The following ZMYND8 variants were observed in gnomAD, a reference collection of about 807,000 sequenced individuals.
The protein encoded by ZMYND8 is zinc finger MYND-type containing 8, also known as MYND-type zinc finger-containing chromatin reader ZMYND8.
In ZMYND8, 37 loss-of-function variants were observed where a neutral mutation model predicts 140.8. The observed-to-expected ratio is 0.26, with a 90% confidence interval of 0.20 to 0.35. The LOEUF (loss-of-function observed/expected upper bound fraction) is 0.35, where lower values mean the gene tolerates loss of function less well. Ranked by LOEUF, ZMYND8 falls within the 10% of genes least tolerant of loss-of-function variation. The pLI, the probability that ZMYND8 is intolerant of heterozygous loss-of-function variation, is 1.00. For synonymous variants in ZMYND8, 592 were observed against 597.1 expected, an observed-to-expected ratio of 0.99 and a Z score of 0.12; for missense variants, 1,068 against 1,570.0, an observed-to-expected ratio of 0.68 and a Z score of 5.40.
chr20:47,236,943 C>G (rs1601110348), intron 15 of ZMYND8, among the ~76,000 whole-genome samples: 1 of 152,180 alleles, frequency 6.6e-6, no homozygotes, highest in East Asian at 1.9e-4. Context: ...TCTACTGAGG[C>G]CCAACTCGCT....
At chr20:47,282,024 T>C (rs1022105307) in intron 10 of ZMYND8, 78 bp downstream of exon 10, 3 of 1,147,708 alleles carry the variant, frequency 2.6e-6, no homozygotes. Flanking sequence ...AGCTGCAGCC[T>C]CCACTTCTTT....
chr20:47,299,840 C>T (rs1017008526), intron 3 of ZMYND8, among the ~76,000 whole-genome samples: 1 of 152,162 alleles, frequency 6.6e-6, no homozygotes, highest in African/African-American at 2.4e-5. Flanking sequence ...CCTCGGCCTC[C>T]CAAAGTGCTG....
At chr20:47,227,820 C>T (rs963312856) in intron 17 of ZMYND8, among the ~76,000 whole-genome samples, 5 of 152,152 alleles carry the variant, frequency 3.3e-5, no homozygotes, top group East Asian at 1.9e-4. Flanking sequence ...TGGCCAGGTG[C>T]GGTGGCTCGC....
At chr20:47,221,107 C>A (rs1400609780) in intron 20 of ZMYND8, among the ~76,000 whole-genome samples, 1 of 152,096 alleles carries the variant, frequency 6.6e-6, no homozygotes, top group Non-Finnish European at 1.5e-5. Flanking sequence ...TTTGAGGGTC[C>A]CCAGCAGAGA....
At chr20:47,284,568 C>T (rs761623706) in intron 8 of ZMYND8, among the ~76,000 whole-genome samples, 2 of 152,246 alleles carry the variant, frequency 1.3e-5, no homozygotes, top group East Asian at 1.9e-4. Context: ...CCACCTGTCT[C>T]GGCTCACCTT....
At chr20:47,239,223 G>T (rs535476829) in intron 14 of ZMYND8, 85 bp from the exon 15 acceptor site, 92 of 1,429,676 alleles carry the variant, frequency 6.4e-5, no homozygotes, top group Admixed American at 9.8e-5. Flanking sequence ...CAAGTTCTGG[G>T]TAAAACCTAT....
chr20:47,283,532 G>A (rs750784273), intron 9 of ZMYND8, 39 bp downstream of exon 9: 2 of 1,608,370 alleles, frequency 1.2e-6, no homozygotes, highest in South Asian at 2.2e-5. Context: ...CAAGGCACAG[G>A]GTTCAGTAAA....
At chr20:47,240,149 T>G (rs570137252) in intron 14 of ZMYND8, among the ~76,000 whole-genome samples, 1 of 152,102 alleles carries the variant, frequency 6.6e-6, no homozygotes, top group Non-Finnish European at 1.5e-5. Flanking sequence ...GAGGCGGAAG[T>G]TGCAGTGAGC....
At position 47,283,571 on chromosome 20, in the gene ZMYND8, A is replaced by G. The variant is rs2076740935; in HGVS notation, c.882T>C (p.Cys294=). Residue 294 remains cysteine (C), a splice_region_variant and synonymous_variant, in exon 9 of 23, where the codon TGT becomes TGC. Coordinates refer to ENST00000471951, the MANE Select transcript of ZMYND8 (RefSeq NM_001281775.3). ...QKRDNWFCEP[C]SNPHPLVWAK... ...AATAAGCAAAGTAAATCCAACTTAC[A>G]CAAGGCTCACAAAACCAGTTATCTC... The G allele has an allele frequency of 6.2e-7, 1 of 1,614,022 alleles. No homozygotes were observed. The highest frequency in any genetic ancestry group is 8.5e-7 in the Non-Finnish European group (1 of 1,179,980).
At chr20:47,307,146 T>A (rs930265935) in intron 3 of ZMYND8, among the ~76,000 whole-genome samples, 1 of 151,746 alleles carries the variant, frequency 6.6e-6, no homozygotes, top group Non-Finnish European at 1.5e-5. Flanking sequence ...AGTGCCCTTA[T>A]AAAAAAAGGG....
At chr20:47,315,761 G>T (rs1188313155) in intron 2 of ZMYND8, among the ~76,000 whole-genome samples, 1 of 152,160 alleles carries the variant, frequency 6.6e-6, no homozygotes, top group Non-Finnish European at 1.5e-5. Flanking sequence ...GGTTCACCCT[G>T]GATCTGAAAG....
At chr20:47,262,983 A>C (rs2147573426) in intron 11 of ZMYND8, among the ~76,000 whole-genome samples, 1 of 152,300 alleles carries the variant, frequency 6.6e-6, no homozygotes, top group Non-Finnish European at 1.5e-5. Context: ...GACGTTGGTA[A>C]ATTATGTCCT....
chr20:47,292,956 G>T (rs527503160), intron 5 of ZMYND8, among the ~76,000 whole-genome samples: 21 of 151,558 alleles, frequency 1.4e-4, no homozygotes, highest in African/African-American at 5.1e-4. Flanking sequence ...CCAGCTACTT[G>T]AGAGGCTGAG....
intron 21 of ZMYND8, among the ~76,000 whole-genome samples, chr20:47,215,378 C>CTAATAA (rs150425292): frequency 6.6e-6 from 1 of 151,530 alleles, no homozygotes; most frequent in African/African-American, 2.4e-5. Context: ...ATCTCAAATA[C>CTAATAA]TAATAATAAT....
chr20:47,324,475 A>G (rs2080247836), intron 2 of ZMYND8, among the ~76,000 whole-genome samples: 1 of 151,992 alleles, frequency 6.6e-6, no homozygotes, highest in African/African-American at 2.4e-5. Context: ...GCCGAGATCG[A>G]GCCACTGCAC....
chr20:47,332,221 G>C (rs1475462525), intron 2 of ZMYND8, among the ~76,000 whole-genome samples: 3 of 152,116 alleles, frequency 2.0e-5, no homozygotes, highest in African/African-American at 7.2e-5. Context: ...TGAGACATGA[G>C]AATCATTTGA....
chr20:47,309,951 T>C, intron 3 of ZMYND8, 105 bp downstream of exon 3: 1 of 1,485,664 alleles, frequency 6.7e-7, no homozygotes. Context: ...GCAAGGCAGC[T>C]AACTAAATCC....
chr20:47,257,562 A>G (rs2074839509), intron 12 of ZMYND8, among the ~76,000 whole-genome samples: 1 of 151,958 alleles, frequency 6.6e-6, no homozygotes, highest in Non-Finnish European at 1.5e-5. Context: ...CCCATATACC[A>G]TATACTCATC....
At chr20:47,307,404 G>A (rs1301531406) in intron 3 of ZMYND8, among the ~76,000 whole-genome samples, 1 of 151,896 alleles carries the variant, frequency 6.6e-6, no homozygotes, top group Non-Finnish European at 1.5e-5. Flanking sequence ...GTTGCAGTGA[G>A]CTGAGACTAC....
Sources: allele counts gnomAD v4.1 joint callset (sites outside exome capture counted in the v4.1 genomes callset), GRCh38; gene constraint gnomAD v4.1.1; transcripts MANE v1.5; gene names NCBI Gene and HGNC (gene_info 2026-07-23, HGNC 2026-07-21).